Variants in RNF6 observed in about 807,000 individuals in gnomAD.
RNF6 encodes the protein E3 ubiquitin-protein ligase RNF6.
A neutral mutation model predicts 50.1 loss-of-function variants in RNF6; 21 were observed. The ratio of observed to expected loss-of-function variants is 0.42; its 90% CI spans 0.30 to 0.60. The LOEUF (loss-of-function observed/expected upper bound fraction) is 0.60. Among genes scored for constraint, RNF6 ranks in the 20% least tolerant of loss-of-function variants. The probability of loss-of-function intolerance (pLI) is 0.20; values close to 1 mark genes in which losing one functional copy is unlikely to be tolerated. For synonymous variants in RNF6, 255 were observed against 291.8 expected (o/e 0.87, Z 1.29); for missense variants, 698 against 838.2 (o/e 0.83, Z 2.07).
chr13:26,135,882 C>G (rs558639989), intron 5 of RNF6, among the ~76,000 whole-genome samples: 1 of 152,206 alleles, frequency 6.6e-6, no homozygotes, highest in East Asian at 1.9e-4. Context: ...GCACCTCCTC[C>G]CTCGCTCTCT....
At chr13:26,166,916 T>C (rs1413009444) in intron 5 of RNF6, among the ~76,000 whole-genome samples, 1 of 152,202 alleles carries the variant, frequency 6.6e-6, no homozygotes, top group East Asian at 1.9e-4. Context: ...TGAGTGAGAC[T>C]GTGTCTCAAA....
intron 5 of RNF6, among the ~76,000 whole-genome samples, chr13:26,173,628 G>A (rs1459251461): frequency 3.3e-5 from 5 of 152,084 alleles, no homozygotes; most frequent in African/African-American, 1.2e-4. Flanking sequence ...GGGGGCAGAA[G>A]GAAGGAGCTG....
At chr13:26,167,609 A>G (rs1872513378) in intron 5 of RNF6, among the ~76,000 whole-genome samples, 1 of 152,252 alleles carries the variant, frequency 6.6e-6, no homozygotes, top group Non-Finnish European at 1.5e-5. Context: ...GTGGGAGTAT[A>G]AATTAGTTCA....
At chr13:26,167,009 C>T (rs951039230) in intron 5 of RNF6, among the ~76,000 whole-genome samples, 5 of 152,204 alleles carry the variant, frequency 3.3e-5, no homozygotes, top group African/African-American at 1.2e-4. Context: ...TTATAAATTA[C>T]CCAGTCTTGG....
At position 26,136,245 on chromosome 13, in the gene RNF6, A is replaced by T. The variant is rs9578967; in HGVS notation, n.769-3794T>A. ...GCATCTACCCTTATAGTCCTGTGTG[A>T]TTACTCTTTAACCCCAAGAAGAGAA... On this transcript the variant is annotated intron_variant and non_coding_transcript_variant, in intron 5 of 5. Coordinates refer to the RNF6 transcript ENST00000468480. Among the ~76,000 whole-genome samples the T allele has an allele frequency of 9.8e-3, 1,495 of 152,314 alleles. 30 individuals carry two copies. Among genetic ancestry groups the T allele is most frequent in the African/African-American group, 0.034 (1,429 of 41,572 alleles).
chr13:26,219,214 T>C (rs1870215173), intron 3 of RNF6: 1 of 366,978 alleles, frequency 2.7e-6, no homozygotes. Context: ...ATTATGTACA[T>C]TAACCTGTTT....
downstream of RNF6, among the ~76,000 whole-genome samples, chr13:26,208,264 C>T (rs563313359): frequency 5.5e-4 from 84 of 152,294 alleles, 1 homozygote; most frequent in South Asian, 0.013. Context: ...ATATAGTTTA[C>T]GCTGAACACT....
intron 5 of RNF6, among the ~76,000 whole-genome samples, chr13:26,169,598 G>A (rs1279573268): frequency 2.0e-5 from 3 of 152,064 alleles, no homozygotes; most frequent in African/African-American, 4.8e-5. Context: ...ATCTTCTTAA[G>A]AGTCTCTTGC....
chr13:26,215,438 C>T lies in RNF6; in HGVS notation c.444G>A (p.Arg148=), dbSNP rs762289906. Reference sequence around the variant, plus strand: ...GATTTACGTGGATTTCCAAACTAAACCGAAACTCTCCATTGTTCGGGTTTG... The same window carrying T: ...GATTTACGTGGATTTCCAAACTAAATCGAAACTCTCCATTGTTCGGGTTTG... ...SRTNPNNGEF[R]FSLEIHVNHE... The change falls in exon 5 of 5, where the codon CGG becomes CGA. Residue 148 remains arginine, a synonymous_variant. Transcript: ENST00000381588. The T allele has an allele frequency of 1.2e-6, 2 of 1,614,190 alleles. No homozygotes were observed. The highest frequency in any genetic ancestry group is 1.1e-5 in the South Asian group (1 of 91,080).
chr13:26,163,989 G>A (rs9581569), intron 5 of RNF6, among the ~76,000 whole-genome samples: 7,420 of 152,194 alleles, frequency 0.049, 189 homozygotes, highest in African/African-American at 0.072. Flanking sequence ...AAGAGCTATA[G>A]TAGCTGTCAC....
chr13:26,197,135 C>CT (rs1028660442), intron 5 of RNF6, among the ~76,000 whole-genome samples: 5 of 151,846 alleles, frequency 3.3e-5, no homozygotes, highest in African/African-American at 9.7e-5. Context: ...TGGCCAAACT[C>CT]TAACATGACT....
intron 5 of RNF6, among the ~76,000 whole-genome samples, chr13:26,184,010 ATATATATATTTTTTT>A (rs1490390520): frequency 2.1e-3 from 83 of 39,136 alleles, no homozygotes; most frequent in South Asian, 2.9e-3. Flanking sequence ...ATATATATAT[ATATATATATTTTTTT>A]TTTTTTTTTT....
intron 5 of RNF6, among the ~76,000 whole-genome samples, chr13:26,166,443 A>G (rs1199554919): frequency 6.6e-6 from 1 of 152,180 alleles, no homozygotes; most frequent in African/African-American, 2.4e-5. Flanking sequence ...GTGATTCTAT[A>G]TCTTGAAAAA....
At chr13:26,157,587 T>G (rs558505227) in intron 5 of RNF6, among the ~76,000 whole-genome samples, 53 of 152,270 alleles carry the variant, frequency 3.5e-4, no homozygotes, top group African/African-American at 1.1e-3. Context: ...AGTAATTATT[T>G]TTAAAAGGGG....
intron 5 of RNF6, among the ~76,000 whole-genome samples, chr13:26,180,720 G>A (rs537556042): frequency 1.3e-4 from 20 of 152,284 alleles, no homozygotes; most frequent in South Asian, 8.3e-4. Context: ...CTATTGGGAC[G>A]TCCATCAGAT....
chr13:26,202,884 A>G (rs1181310658), intron 5 of RNF6, among the ~76,000 whole-genome samples: 1 of 152,224 alleles, frequency 6.6e-6, no homozygotes, highest in Non-Finnish European at 1.5e-5. Flanking sequence ...CCTTTTATTA[A>G]TTAAGCTCAA....
chr13:26,219,190 A>C (rs1870211649), intron 3 of RNF6: 1 of 281,498 alleles, frequency 3.6e-6, no homozygotes, highest in African/African-American at 2.2e-5. Flanking sequence ...CCATATATGT[A>C]AATACTTAAC....
Position 26,214,182 on chromosome 13 carries a change from C to T in RNF6, c.1700G>A (p.Gly567Asp). Reference sequence around the variant, plus strand: ...GTTTGGATTTCGCAACTGCCTGCCACCCCTACTGTCACTGTTTCGAGTATG... The same window carrying T: ...GTTTGGATTTCGCAACTGCCTGCCATCCCTACTGTCACTGTTTCGAGTATG... ...QPHTRNSDSR[G>D]GRQLRNPNNL... The change falls in exon 5 of 5, where the codon GGT becomes GAT. Residue 567 changes from glycine (G) to aspartate (D), a missense_variant. Physicochemically the swap from Gly to Asp is moderately conservative, Grantham distance 94. Transcript: ENST00000381588. 1 of 1,614,232 alleles carries T rather than the reference C, an allele frequency of 6.2e-7. No individual in the cohort carries two copies. Among genetic ancestry groups the T allele is most frequent in the Non-Finnish European group, 8.5e-7 (1 of 1,180,044 alleles).
exon 6 of RNF6, chr13:26,132,420 C>T (rs1363785632): frequency 1.5e-5 from 7 of 459,806 alleles, no homozygotes; most frequent in South Asian, 1.1e-4. Flanking sequence ...AACTGGTTTT[C>T]TGGTAGCACT....
Sources: gnomAD v4.1 joint callset for allele counts (sites outside exome capture counted in the v4.1 genomes callset) on GRCh38, gnomAD v4.1.1 for gene constraint, MANE v1.5 for transcripts, NCBI Gene and HGNC (gene_info 2026-07-23, HGNC 2026-07-21) for gene names.